The following ZNF28 variants were observed in gnomAD, a reference collection of about 807,000 sequenced individuals.
ZNF28 encodes zinc finger protein 28.
In ZNF28, 5 loss-of-function variants were observed where a neutral mutation model predicts 7.2. That is an observed-to-expected ratio of 0.70 (90% CI 0.36 to 1.46). The LOEUF is 1.46. ZNF28 is among the 40% of genes most tolerant of loss of function. The pLI is 0.03. For missense variants in ZNF28, 879 were observed against 866.6 expected (o/e 1.01, Z -0.18); for synonymous variants, 288 against 292.4 (o/e 0.99, Z 0.15).
chr19:52,818,436 G>C (rs147215228), intron 1 of ZNF28, among the ~76,000 whole-genome samples: 97 of 152,222 alleles, frequency 6.4e-4, no homozygotes, highest in African/African-American at 2.3e-3. Context: ...AATTGGGCTG[G>C]GCTCAGTGGC....
At chr19:52,810,444 A>G (rs2063004704) in intron 2 of ZNF28, 2 of 1,599,352 alleles carry the variant, frequency 1.3e-6, no homozygotes, top group Non-Finnish European at 1.7e-6. Context: ...GTTTGCATAT[A>G]TAGAGTTCTC....
chr19:52,802,700 A>G (rs2062887357), intron 3 of ZNF28, among the ~76,000 whole-genome samples: 1 of 151,862 alleles, frequency 6.6e-6, no homozygotes, highest in Admixed American at 6.6e-5. Context: ...TGTTAATACC[A>G]TATTTTTCCA....
intron 2 of ZNF28, among the ~76,000 whole-genome samples, chr19:52,815,964 A>G (rs1657086886): frequency 6.8e-6 from 1 of 147,486 alleles, no homozygotes; most frequent in South Asian, 2.2e-4. Context: ...AAAAAAATAC[A>G]TAAAAATTTT....
chr19:52,805,346 C>T (rs2062923535), intron 3 of ZNF28: 1 of 151,798 alleles, frequency 6.6e-6, no homozygotes, highest in Admixed American at 6.6e-5. Context: ...TTCTCCAGGC[C>T]TGGTGTGGTG....
At chr19:52,816,080 G>A (rs867567491) in intron 2 of ZNF28, among the ~76,000 whole-genome samples, 4 of 147,476 alleles carry the variant, frequency 2.7e-5, no homozygotes, top group Admixed American at 6.8e-5. Flanking sequence ...ATAGTGGCTC[G>A]CCAGTGAGGC....
rs536359745 is a variant in ZNF28 at position 52,798,198 on chromosome 19, G to A, written c.*1490C>T. 3.2e-5 allele frequency: 5 copies of A among 157,120 alleles called. No individual in the cohort carries two copies. Among genetic ancestry groups the A allele is most frequent in the Admixed American group, 1.9e-4 (3 of 15,612 alleles). 9.7% of individuals were successfully genotyped at this position (157,120 alleles called of 1,614,324 possible). On this transcript the variant is annotated 3_prime_UTR_variant, in exon 4 of 4. Coordinates refer to ENST00000457749, the MANE Select transcript of ZNF28 (RefSeq NM_006969.5). Reference sequence around the variant, plus strand: ...ACACAGGCTGGGAAAAGTGGCTCCCGTCTGTTGGCCAGGCTGTTCTCAAAC... The same window carrying A: ...ACACAGGCTGGGAAAAGTGGCTCCCATCTGTTGGCCAGGCTGTTCTCAAAC...
At position 52,801,339 on chromosome 19, in the gene ZNF28, T is replaced by C. The variant is rs1308191116; in HGVS notation, c.506A>G (p.Asn169Ser). 6.2e-7 allele frequency: 1 copy of C among 1,614,082 alleles called. No homozygotes were observed. Among genetic ancestry groups the C allele is most frequent in the African/African-American group, 1.3e-5 (1 of 74,948 alleles). The change falls in exon 4 of 4, where the codon AAC (asparagine) becomes AGC (serine). Residue 169 changes from asparagine (N) to serine (S), a missense_variant. Transcript: ENST00000457749. Reference sequence around the variant, plus strand: ...GGATGTTGAAACTGAGGAAGCATTGTTGATAGACTTCTCAACTTGATTACC... The same window carrying C: ...GGATGTTGAAACTGAGGAAGCATTGCTGATAGACTTCTCAACTTGATTACC... ...KIGNQVEKSINNASSVSTSQR... is the reference protein window; with the variant it reads ...KIGNQVEKSISNASSVSTSQR...
rs1192205559 is a variant in ZNF28 at position 52,801,581 on chromosome 19, C to A, written c.264G>T (p.Gln88His). ...AGCCATGAATGTCTTTCTCAATTTTCTGGAAGCAAAAATCTCCAATGTGAT... is the reference window on the plus strand; with the variant it reads ...AGCCATGAATGTCTTTCTCAATTTTATGGAAGCAAAAATCTCCAATGTGAT... ...ASHHIGDFCFQKIEKDIHGFQ... is the reference protein window; with the variant it reads ...ASHHIGDFCFHKIEKDIHGFQ... Residue 88 changes from glutamine to histidine, a missense_variant, in exon 4 of 4, where the codon CAG becomes CAT. Coordinates refer to ENST00000457749, the MANE Select transcript of ZNF28 (RefSeq NM_006969.5). 1 of 1,614,012 alleles carries A rather than the reference C, an allele frequency of 6.2e-7. No individual in the cohort carries two copies. Among genetic ancestry groups the A allele is most frequent in the African/African-American group, 1.3e-5 (1 of 74,910 alleles).
chr19:52,817,516 A>C (rs956285466), intron 2 of ZNF28, among the ~76,000 whole-genome samples: 1 of 152,128 alleles, frequency 6.6e-6, no homozygotes, highest in African/African-American at 2.4e-5. Context: ...TCAGGGAGAA[A>C]AGATTTTCCC....
chr19:52,817,432 C>T (rs1167900721), intron 2 of ZNF28, among the ~76,000 whole-genome samples: 1 of 152,114 alleles, frequency 6.6e-6, no homozygotes, highest in African/African-American at 2.4e-5. Flanking sequence ...TATGAACATT[C>T]CATTCTAATT....
chr19:52,803,327 C>A (rs2062897471), intron 3 of ZNF28, among the ~76,000 whole-genome samples: 1 of 151,902 alleles, frequency 6.6e-6, no homozygotes. Flanking sequence ...ATGATCCACA[C>A]ATCTCAGCCT....
At position 52,801,630 on chromosome 19, in the gene ZNF28, C is replaced by A. The variant is rs2062873091; in HGVS notation, c.215G>T (p.Gly72Val). ...GQGNTEAFHT[G>V]TLQRQASHHI... ...ATGACTTGCTTGTCTTTGCAATGTCCCTGTGTGGAACGCTTCTGTATTGCC... is the reference window on the plus strand; with the variant it reads ...ATGACTTGCTTGTCTTTGCAATGTCACTGTGTGGAACGCTTCTGTATTGCC... The change falls in exon 4 of 4, where the codon GGG (glycine) becomes GTG (valine). Residue 72 changes from glycine to valine, a missense_variant. Gly to Val is a moderately radical substitution (Grantham distance 109, BLOSUM62 -3). This residue lies in a region of ZNF28 where 864 missense variants were observed against 830.2 expected (regional missense o/e 1.04). Coordinates refer to ENST00000457749, the MANE Select transcript of ZNF28 (RefSeq NM_006969.5). 1.2e-6 allele frequency: 2 copies of A among 1,613,914 alleles called. No individual in the cohort carries two copies. Among genetic ancestry groups the A allele is most frequent in the Non-Finnish European group, 1.7e-6 (2 of 1,179,908 alleles).
At chr19:52,814,063 T>C (rs2147672234) in intron 2 of ZNF28, among the ~76,000 whole-genome samples, 1 of 146,678 alleles carries the variant, frequency 6.8e-6, no homozygotes, top group Admixed American at 6.9e-5. Flanking sequence ...TACTACAGAA[T>C]TTCTTCTAAA....
At chr19:52,810,077 G>A (rs561960270) in intron 2 of ZNF28, 18 of 757,848 alleles carry the variant, frequency 2.4e-5, no homozygotes, top group East Asian at 2.1e-4. Context: ...CAGGACCTGG[G>A]CCTCGTTCAG....
chr19:52,810,762 A>G (rs2063010924), intron 2 of ZNF28: 1 of 584,468 alleles, frequency 1.7e-6, no homozygotes. Context: ...GGGGAAAAAA[A>G]AAGAATAAAA....
At chr19:52,809,837 C>CGGCGGT in intron 2 of ZNF28, 21 of 553,920 alleles carry the variant, frequency 3.8e-5, no homozygotes, top group South Asian at 6.8e-5. Context: ...GCGGCGGCGG[C>CGGCGGT]GGTGGCGGTG....
At chr19:52,817,605 C>A (rs149345840) in intron 2 of ZNF28, among the ~76,000 whole-genome samples, 8,495 of 152,144 alleles carry the variant, frequency 0.056, 321 homozygotes, top group African/African-American at 0.11. Context: ...CTGCTCTAAT[C>A]CTGGTCCACA....
At position 52,798,795 on chromosome 19, in the gene ZNF28, A is replaced by G. The variant is rs533588277; in HGVS notation, c.*893T>C. ...TAAGATCTCTCATTATGGATTCTCC[A>G]ATGATTTGCAATGGTTGTAGCATTA... On this transcript the variant is annotated 3_prime_UTR_variant, in exon 4 of 4. Coordinates refer to ENST00000457749, the MANE Select transcript of ZNF28 (RefSeq NM_006969.5). 252 of 770,076 alleles carry G rather than the reference A, an allele frequency of 3.3e-4. No individual in the cohort carries two copies. The African/African-American group carries it at 3.9e-3, about 12-fold the overall frequency. 47.7% of individuals were successfully genotyped at this position (770,076 alleles called of 1,614,324 possible).
chr19:52,817,759 G>A (rs767657964), intron 2 of ZNF28, among the ~76,000 whole-genome samples, 185 bp downstream of exon 2: 1 of 152,086 alleles, frequency 6.6e-6, no homozygotes, highest in South Asian at 2.1e-4. Context: ...CCTCTCCCAT[G>A]TTCATGTCAC....
Sources: gnomAD v4.1 joint callset for allele counts (sites outside exome capture counted in the v4.1 genomes callset) on GRCh38, gnomAD v4.1.1 for gene constraint, gnomAD v4.1.1 regional missense constraint, MANE v1.5 for transcripts, NCBI Gene and HGNC (gene_info 2026-07-23, HGNC 2026-07-21) for gene names.